The following FGFRL1 variants were observed in gnomAD, a reference collection of about 807,000 sequenced individuals.
FGFRL1 encodes fibroblast growth factor receptor like 1.
A neutral mutation model predicts 36.8 loss-of-function variants in FGFRL1; 24 were observed. The ratio of observed to expected loss-of-function variants is 0.65; its 90% CI spans 0.47 to 0.92. The LOEUF is 0.92. FGFRL1 is among the 40% of genes least tolerant of loss of function. FGFRL1 has a pLI of 0.00. For missense variants in FGFRL1, 785 were observed against 753.4 expected, an observed-to-expected ratio of 1.04 and a Z score of -0.49; for synonymous variants, 422 against 344.1, an observed-to-expected ratio of 1.23 and a Z score of -2.50.
Position 1,026,698 on chromosome 4 carries a change from G to T in FGFRL1, c.*1351G>T. On this transcript the variant is annotated 3_prime_UTR_variant, in exon 7 of 7. Transcript: ENST00000510644. ...ATGATGGAAGGAAGACTGGGTTGCA[G>T]GGACTGTGGTCTCTCCTGGGGCCCG... 2.9e-6 allele frequency: 1 copy of T among 342,872 alleles called. No homozygotes were observed. Among genetic ancestry groups the T allele is most frequent in the Non-Finnish European group, 5.7e-6 (1 of 174,222 alleles). 21.2% of individuals were successfully genotyped at this position (342,872 alleles called of 1,614,324 possible).
In FGFRL1 at chr4:1,025,488, A is replaced by G. The variant is rs1241051965; in HGVS notation, c.*141A>G. On this transcript the variant is annotated 3_prime_UTR_variant, in exon 7 of 7. Transcript: ENST00000510644. ...ACCCCAGGCAGTCTGTGTGTGAGGC[A>G]TAGCCCCTGGACACACACACACAGA... The G allele has an allele frequency of 6.0e-6, 6 of 1,004,488 alleles. No individual in the cohort carries two copies. In the African/African-American group the frequency reaches 8.1e-5, roughly 14 times the overall value. The allele number at this position is 1,004,488 out of a possible 1,614,324, so 62.2% of individuals were successfully genotyped here.
At chr4:1,019,957 C>G (rs988454099) in intron 2 of FGFRL1, among the ~76,000 whole-genome samples, 2 of 152,238 alleles carry the variant, frequency 1.3e-5, no homozygotes, top group African/African-American at 4.8e-5. Flanking sequence ...CACTCCCAGC[C>G]CCAGCGGCCA....
In FGFRL1 at chr4:1,012,525, C is replaced by T. The variant is rs926251874; in HGVS notation, c.40C>T (p.Leu14=). 3.2e-6 allele frequency: 5 copies of T among 1,543,268 alleles called. No homozygotes were observed. The highest frequency in any genetic ancestry group is 1.9e-5 in the Admixed American group (1 of 53,380). Residue 14 remains leucine, a synonymous_variant, in exon 2 of 7, where the codon CTG becomes TTG. Coordinates refer to ENST00000510644, the MANE Select transcript of FGFRL1 (RefSeq NM_001004356.3). The part of the protein sequence containing the change: ...SPLLLLLLPP[L]LLGAFPPAAA... ...CCTGTTGCTGCTCCTGCTGCCGCCG[C>T]TGCTGCTGGGGGCCTTCCCGCCGGC...
At chr4:1,012,159 A>C in intron 1 of FGFRL1, 2 of 207,630 alleles carry the variant, frequency 9.6e-6, no homozygotes, top group East Asian at 1.1e-4. Context: ...TTTGTCCGCT[A>C]ATGGCGCAGG....
chr4:1,023,728 AGGGGGTGAC>A lies in FGFRL1; in HGVS notation c.433+15_433+23del, dbSNP rs765955253. 6.1e-5 allele frequency: 62 copies of A among 1,020,686 alleles called. No homozygotes were observed. The highest frequency in any genetic ancestry group is 8.5e-6 in the Non-Finnish European group (6 of 705,110). 63.2% of individuals were successfully genotyped at this position (1,020,686 alleles called of 1,614,324 possible). On this transcript the variant is annotated splice_region_variant and intron_variant, in intron 4 of 6. Transcript: ENST00000510644. The surrounding 1 kb of genome is among the most constrained non-coding windows in gnomAD (Gnocchi z 6.0). ...CCCGCCAGCCAGCAGTGGGGTGAGC[AGGGGGTGAC>A]GGGGGTGGGGGGCGTCCGTCTGTCC... is the stretch of plus-strand genomic sequence containing the variant.
rs1331805490 is a variant in FGFRL1 at position 1,026,715 on chromosome 4, T to A, written c.*1368T>A. The A allele has an allele frequency of 7.6e-6, 3 of 393,296 alleles. No homozygotes were observed. The highest frequency in any genetic ancestry group is 1.5e-5 in the Non-Finnish European group (3 of 197,172). 24.4% of individuals were successfully genotyped at this position (393,296 alleles called of 1,614,324 possible). On this transcript the variant is annotated 3_prime_UTR_variant, in exon 7 of 7. Transcript: ENST00000510644. The stretch of plus-strand genomic sequence containing the variant: ...GGGTTGCAGGGACTGTGGTCTCTCC[T>A]GGGGCCCGGGACCCGCCTGGTCTTT...
chr4:1,021,660 C>G (rs1034525854), intron 2 of FGFRL1, among the ~76,000 whole-genome samples: 4 of 152,168 alleles, frequency 2.6e-5, no homozygotes, highest in Admixed American at 6.5e-5. Flanking sequence ...TGTGGGGTCG[C>G]TGGCCCATGC....
chr4:1,025,195 GC>G lies in FGFRL1; in HGVS notation c.1369del (p.Gln457SerfsTer123). On this transcript the variant is annotated frameshift_variant, in exon 7 of 7. Coordinates refer to ENST00000510644, the MANE Select transcript of FGFRL1 (RefSeq NM_001004356.3). LOFTEE classifies it high-confidence loss of function. ...GLCEEHGSPAAPQHLLGPGPV... is the reference protein window; with the variant it reads ...GLCEEHGSPAXPQHLLGPGPV... Reference sequence around the variant, plus strand: ...GTGTGAGGAGCATGGGTCTCCGGCAGCCCCCCAGCACTTACTGGGCCCAGGC... The same window carrying G: ...GTGTGAGGAGCATGGGTCTCCGGCAGCCCCCAGCACTTACTGGGCCCAGGC... 1 of 1,610,526 alleles carries G rather than the reference GC, an allele frequency of 6.2e-7. No individual in the cohort carries two copies. Among genetic ancestry groups the G allele is most frequent in the Non-Finnish European group, 8.5e-7 (1 of 1,179,038 alleles).
chr4:1,019,463 TC>T (rs1295204398), intron 2 of FGFRL1, among the ~76,000 whole-genome samples: 2 of 152,130 alleles, frequency 1.3e-5, no homozygotes, highest in African/African-American at 4.8e-5. Flanking sequence ...TCCCCCTTGG[TC>T]CCGGGAGGCC....
At chr4:1,015,682 C>T (rs1715851844) in intron 2 of FGFRL1, among the ~76,000 whole-genome samples, 1 of 152,216 alleles carries the variant, frequency 6.6e-6, no homozygotes, top group South Asian at 2.1e-4. Context: ...TGAACATTGG[C>T]TGAGCAGTGA....
At chr4:1,017,278 T>A (rs2335491) in intron 2 of FGFRL1, among the ~76,000 whole-genome samples, 1 of 111,846 alleles carries the variant, frequency 8.9e-6, no homozygotes, top group Non-Finnish European at 2.3e-5. Flanking sequence ...CACTCTGGCC[T>A]CGTTCGGCTG....
At chr4:1,017,538 G>T (rs371627409) in intron 2 of FGFRL1, among the ~76,000 whole-genome samples, 5 of 152,192 alleles carry the variant, frequency 3.3e-5, no homozygotes, top group Non-Finnish European at 7.4e-5. Context: ...CAGGAGTCCC[G>T]TCCGACCTGG....
At chr4:1,020,686 GAATGGGGC>G (rs1327528539) in intron 2 of FGFRL1, among the ~76,000 whole-genome samples, 9 of 43,278 alleles carry the variant, frequency 2.1e-4, no homozygotes, top group Non-Finnish European at 2.7e-4. Context: ...CCCAGGCAGG[GAATGGGGC>G]GATGGGGCGG....
intron 2 of FGFRL1, among the ~76,000 whole-genome samples, chr4:1,019,828 TC>T (rs1179105738): frequency 4.6e-5 from 7 of 152,152 alleles, no homozygotes; most frequent in African/African-American, 1.7e-4. Context: ...CCACATGTTT[TC>T]TCAGAGAGGC....
At chr4:1,017,173 C>T (rs1047511651) in intron 2 of FGFRL1, among the ~76,000 whole-genome samples, 1 of 152,222 alleles carries the variant, frequency 6.6e-6, no homozygotes, top group Non-Finnish European at 1.5e-5. Context: ...TGGCCACCCC[C>T]ACCCCGTGGC....
At chr4:1,011,434 C>A (rs1715575039), upstream of FGFRL1, 2 of 144,310 alleles carry the variant, frequency 1.4e-5, no homozygotes, top group Admixed American at 1.4e-4. Flanking sequence ...CCGGGGAAGC[C>A]GCCCGCCCGC....
chr4:1,026,670 A>G lies in FGFRL1; in HGVS notation c.*1323A>G, dbSNP rs1716556259. The G allele has an allele frequency of 3.2e-6, 1 of 314,354 alleles. No homozygotes were observed. Among genetic ancestry groups the G allele is most frequent in the Non-Finnish European group, 6.2e-6 (1 of 160,982 alleles). 19.5% of individuals were successfully genotyped at this position (314,354 alleles called of 1,614,324 possible). On this transcript the variant is annotated 3_prime_UTR_variant, in exon 7 of 7. Coordinates refer to ENST00000510644, the MANE Select transcript of FGFRL1 (RefSeq NM_001004356.3). The stretch of plus-strand genomic sequence containing the variant: ...TATTTAAGAAATGAAGATAATATTA[A>G]TAATGATGGAAGGAAGACTGGGTTG...
rs1364429652 is a variant in FGFRL1 at position 1,025,208 on chromosome 4, TACTG to T, written c.1377_1380del (p.Leu460AlafsTer119). 1 of 1,610,526 alleles carries T rather than the reference TACTG, an allele frequency of 6.2e-7. No individual in the cohort carries two copies. The highest frequency in any genetic ancestry group is 1.7e-5 in the Admixed American group (1 of 59,712). ...GGGTCTCCGGCAGCCCCCCAGCACTTACTGGGCCCAGGCCCAGTTGCTGGCCCTA... is the reference window on the plus strand; with the variant it reads ...GGGTCTCCGGCAGCCCCCCAGCACTTGGCCCAGGCCCAGTTGCTGGCCCTA... On this transcript the variant is annotated frameshift_variant, in exon 7 of 7. Coordinates refer to ENST00000510644, the MANE Select transcript of FGFRL1 (RefSeq NM_001004356.3). LOFTEE classifies it high-confidence loss of function.
intron 2 of FGFRL1, among the ~76,000 whole-genome samples, chr4:1,019,831 C>T (rs987953328): frequency 6.6e-6 from 1 of 152,200 alleles, no homozygotes; most frequent in African/African-American, 2.4e-5. Flanking sequence ...CATGTTTTCT[C>T]AGAGAGGCCA....
Sources: allele counts gnomAD v4.1 joint callset (sites outside exome capture counted in the v4.1 genomes callset), GRCh38; gene constraint gnomAD v4.1.1; non-coding constraint Gnocchi (gnomAD v3.1); transcripts MANE v1.5; gene names NCBI Gene and HGNC (gene_info 2026-07-23, HGNC 2026-07-21).